COL4A1: variants seen among roughly 807,000 people sequenced by gnomAD.
COL4A1 encodes collagen type IV alpha 1 chain.
Under a neutral mutation model 216.6 loss-of-function variants are expected in COL4A1, and 40 were observed. That is an observed-to-expected ratio of 0.18 (90% CI 0.14 to 0.24). The LOEUF is 0.24. Among genes scored for constraint, COL4A1 ranks in the 10% least tolerant of loss-of-function variants. COL4A1 has a pLI of 1.00. For missense variants in COL4A1, 1,628 were observed against 2,196.8 expected (o/e 0.74, Z 5.18); for synonymous variants, 839 against 810.7 (o/e 1.03, Z -0.59).
At chr13:110,201,659 G>C in intron 18 of COL4A1, 137 bp from the exon 19 acceptor site, 1 of 850,854 alleles carries the variant, frequency 1.2e-6, no homozygotes, top group Non-Finnish European at 2.0e-6. Context: ...AGCAATGGTA[G>C]CGGACAAGGA....
intron 1 of COL4A1, among the ~76,000 whole-genome samples, chr13:110,275,318 T>C (rs985206144): frequency 4.6e-5 from 7 of 152,116 alleles, no homozygotes; most frequent in Non-Finnish European, 7.4e-5. Context: ...GCGTTCCACA[T>C]AGGTTATGGG....
At chr13:110,253,339 CATATACATATAATTATAT>C in intron 1 of COL4A1, among the ~76,000 whole-genome samples, 1 of 27,026 alleles carries the variant, frequency 3.7e-5, no homozygotes, top group African/African-American at 1.1e-4. Flanking sequence ...ATATGTATTA[CATATACATATAATTATAT>C]GTATTACATA....
At chr13:110,227,745 G>A (rs961584584) in intron 2 of COL4A1, among the ~76,000 whole-genome samples, 1 of 152,224 alleles carries the variant, frequency 6.6e-6, no homozygotes, top group Admixed American at 6.5e-5. Flanking sequence ...TCCACAGGGA[G>A]AATCAGCACG....
chr13:110,250,837 G>A (rs997069342), intron 1 of COL4A1, among the ~76,000 whole-genome samples: 58 of 152,150 alleles, frequency 3.8e-4, no homozygotes, highest in South Asian at 2.1e-4. Flanking sequence ...CGGGTCCCAC[G>A]GAGCCCCTCC....
chr13:110,303,237 A>G (rs1390665120), intron 1 of COL4A1, among the ~76,000 whole-genome samples: 1 of 152,112 alleles, frequency 6.6e-6, no homozygotes, highest in Non-Finnish European at 1.5e-5. Context: ...GTCAGTTCCT[A>G]AAGGCACTCC....
rs1878175659 is a variant in COL4A1 at position 110,181,933 on chromosome 13, C to T, written c.2096-544G>A. Among the ~76,000 whole-genome samples the T allele has an allele frequency of 1.3e-5, 2 of 152,214 alleles. 1 individual carries two copies. The highest frequency in any genetic ancestry group is 4.1e-4 in the South Asian group (2 of 4,834). ...TAGTTCAGACCCTTTGTATGCAACA[C>T]TGAGGTCTCCGATGTCCAGTAATTT... On this transcript the variant is annotated intron_variant, in intron 28 of 51. Transcript: ENST00000375820.
intron 1 of COL4A1, among the ~76,000 whole-genome samples, chr13:110,275,868 A>G (rs1883408627): frequency 6.6e-6 from 1 of 152,210 alleles, no homozygotes; most frequent in Non-Finnish European, 1.5e-5. Flanking sequence ...AACTACGGAG[A>G]CAGCAAGAGG....
At chr13:110,280,193 G>A (rs977783524) in intron 1 of COL4A1, among the ~76,000 whole-genome samples, 1 of 152,200 alleles carries the variant, frequency 6.6e-6, no homozygotes, top group African/African-American at 2.4e-5. Context: ...TACTGCAGTG[G>A]TGTTAACTTG....
At chr13:110,205,620 T>G in intron 15 of COL4A1, 82 bp from the exon 16 acceptor site, 1 of 1,493,886 alleles carries the variant, frequency 6.7e-7, no homozygotes, top group Non-Finnish European at 9.3e-7. Flanking sequence ...CCCAGCACTT[T>G]GGGAGGCCGA....
intron 1 of COL4A1, among the ~76,000 whole-genome samples, chr13:110,279,534 A>G (rs973789820): frequency 6.6e-6 from 1 of 152,112 alleles, no homozygotes; most frequent in African/African-American, 2.4e-5. Context: ...GACACATTCA[A>G]TCTATTCTTT....
intron 1 of COL4A1, among the ~76,000 whole-genome samples, chr13:110,272,571 T>TAA (rs34373348): frequency 2.7e-5 from 4 of 150,926 alleles, no homozygotes; most frequent in Non-Finnish European, 5.9e-5. Flanking sequence ...AAGTCCCCTC[T>TAA]AAAAGAAAAG....
intron 1 of COL4A1, among the ~76,000 whole-genome samples, chr13:110,282,753 G>T (rs968972386): frequency 6.6e-6 from 1 of 152,090 alleles, no homozygotes. Flanking sequence ...GACCTGTTTT[G>T]GGGCACCTGT....
At chr13:110,306,893 G>T in intron 1 of COL4A1, 51 bp downstream of exon 1, 1 of 1,416,186 alleles carries the variant, frequency 7.1e-7, no homozygotes, top group Non-Finnish European at 9.2e-7. Flanking sequence ...GCCTCTCGGG[G>T]CGCCCAAGCT....
intron 2 of COL4A1, among the ~76,000 whole-genome samples, chr13:110,222,645 C>T (rs1880548788): frequency 6.8e-6 from 1 of 146,160 alleles, no homozygotes. Context: ...TGGTGGCGGG[C>T]ACCTGTAGTC....
At chr13:110,219,136 A>G (rs1006477075) in intron 2 of COL4A1, among the ~76,000 whole-genome samples, 4 of 152,200 alleles carry the variant, frequency 2.6e-5, no homozygotes, top group African/African-American at 9.6e-5. Context: ...AGCTCCCTCC[A>G]CACCATGAGG....
At chr13:110,231,506 T>C (rs193245242) in intron 2 of COL4A1, among the ~76,000 whole-genome samples, 6 of 152,324 alleles carry the variant, frequency 3.9e-5, no homozygotes, top group African/African-American at 7.2e-5. Flanking sequence ...TTTCTTCCCA[T>C]TGGACATCCA....
intron 1 of COL4A1, among the ~76,000 whole-genome samples, chr13:110,274,304 G>C (rs1003584526): frequency 1.3e-5 from 2 of 152,208 alleles, no homozygotes; most frequent in Non-Finnish European, 2.9e-5. Flanking sequence ...AGGTTGGAAA[G>C]CAGGCATCAG....
chr13:110,170,349 T>C (rs182161149), intron 42 of COL4A1, among the ~76,000 whole-genome samples, 198 bp downstream of exon 42: 1 of 152,322 alleles, frequency 6.6e-6, no homozygotes, highest in East Asian at 1.9e-4. Flanking sequence ...TCTCCCTAAT[T>C]ACTTAAATTC....
chr13:110,243,498 T>C (rs1014018298), intron 1 of COL4A1, among the ~76,000 whole-genome samples: 3 of 152,188 alleles, frequency 2.0e-5, no homozygotes, highest in Admixed American at 6.5e-5. Context: ...TTTGTGTTTT[T>C]AGTAGAGATG....
Sources: gnomAD v4.1 joint callset for allele counts (sites outside exome capture counted in the v4.1 genomes callset) on GRCh38, gnomAD v4.1.1 for gene constraint, MANE v1.5 for transcripts, NCBI Gene and HGNC (gene_info 2026-07-23, HGNC 2026-07-21) for gene names.